The following SDK1 variants were observed in gnomAD, a reference collection of about 807,000 sequenced individuals.
The protein encoded by SDK1 is sidekick cell adhesion molecule 1.
In SDK1, 157 loss-of-function variants were observed where a neutral mutation model predicts 245.5. That is an observed-to-expected ratio of 0.64 (90% CI 0.56 to 0.73). The LOEUF (loss-of-function observed/expected upper bound fraction) is 0.73. Ranked by LOEUF, SDK1 falls within the 30% of genes least tolerant of loss-of-function variation. The probability of loss-of-function intolerance (pLI) is 0.00; values close to 1 mark genes in which losing one functional copy is unlikely to be tolerated. For synonymous variants in SDK1, 1,647 were observed against 1,278.5 expected (o/e 1.29, Z -6.15); for missense variants, 3,583 against 3,002.3 (o/e 1.19, Z -4.52).
chr7:4,210,369 G>T (rs1056124896), intron 38 of SDK1, among the ~76,000 whole-genome samples: 1 of 152,216 alleles, frequency 6.6e-6, no homozygotes, highest in African/African-American at 2.4e-5. Flanking sequence ...GTGAGGAAAA[G>T]CTGAGCCAAG....
intron 1 of SDK1, among the ~76,000 whole-genome samples, chr7:3,394,269 G>T: frequency 6.6e-6 from 1 of 152,074 alleles, no homozygotes; most frequent in Non-Finnish European, 1.5e-5. Context: ...ATATCCAATT[G>T]TTCTGGTTTT....
rs1265790315 is a variant in SDK1 at position 3,974,533 on chromosome 7, G to A, written c.1982G>A (p.Arg661Gln). 2.5e-6 allele frequency: 4 copies of A among 1,613,950 alleles called. No individual in the cohort carries two copies. Among genetic ancestry groups the A allele is most frequent in the African/African-American group, 1.3e-5 (1 of 74,878 alleles). Residue 661 changes from arginine (R) to glutamine (Q), a missense_variant, in exon 13 of 45, where the codon CGG becomes CAG. Transcript: ENST00000404826. The part of the protein sequence containing the change: ...SEGGNDSRMA[R>Q]LEVIELPHSP... ...GGAGGGAATGACTCCAGGATGGCCCGGCTGGAAGTGATGTGAGTACTGAGA... is the reference window on the plus strand; with the variant it reads ...GGAGGGAATGACTCCAGGATGGCCCAGCTGGAAGTGATGTGAGTACTGAGA...
At chr7:3,460,451 C>G (rs759211290) in intron 1 of SDK1, among the ~76,000 whole-genome samples, 194 of 152,210 alleles carry the variant, frequency 1.3e-3, no homozygotes, top group Non-Finnish European at 2.3e-3. Context: ...TTTGACAACT[C>G]AAAAGATTTT....
At chr7:4,074,409 C>T (rs904158676) in intron 20 of SDK1, among the ~76,000 whole-genome samples, 6 of 152,136 alleles carry the variant, frequency 3.9e-5, no homozygotes, top group Admixed American at 2.0e-4. Flanking sequence ...AGCAAGTCCA[C>T]GAAGCTTTCT....
chr7:3,812,271 C>T (rs968307013), intron 4 of SDK1, among the ~76,000 whole-genome samples: 1 of 152,192 alleles, frequency 6.6e-6, no homozygotes, highest in Admixed American at 6.5e-5. Context: ...AGATTCCCTT[C>T]TTTTTCTTCA....
rs563520806 is a variant in SDK1, at chr7:3,836,403, C to G, written c.847+14820C>G. On this transcript the variant is annotated intron_variant, in intron 5 of 44. Coordinates refer to ENST00000404826, the MANE Select transcript of SDK1 (RefSeq NM_152744.4). ...GCATTAGTCAGTTTGAGTTGCTGTA[C>G]AAGATACCCATTCATTAATTCATTG... is the stretch of plus-strand genomic sequence containing the variant. Among the ~76,000 whole-genome samples, 10 of 152,266 alleles carry G rather than the reference C, an allele frequency of 6.6e-5. No homozygotes were observed. In the South Asian group the frequency reaches 2.1e-3, roughly 32 times the overall value.
intron 4 of SDK1, among the ~76,000 whole-genome samples, chr7:3,743,925 C>G (rs1779544835): frequency 6.6e-6 from 1 of 152,128 alleles, no homozygotes. Context: ...AGCCACAGGA[C>G]CAATGCTGGA....
chr7:3,581,404 T>C (rs76537301), intron 1 of SDK1, among the ~76,000 whole-genome samples: 1 of 152,284 alleles, frequency 6.6e-6, no homozygotes, highest in African/African-American at 2.4e-5. Context: ...AAAAGCTCAA[T>C]ATCACTGATC....
At chr7:3,398,545 A>G (rs1778793587) in intron 1 of SDK1, among the ~76,000 whole-genome samples, 1 of 152,022 alleles carries the variant, frequency 6.6e-6, no homozygotes, top group Non-Finnish European at 1.5e-5. Flanking sequence ...ATTATATAGA[A>G]CAGAAGGCTC....
intron 5 of SDK1, among the ~76,000 whole-genome samples, chr7:3,834,688 C>G (rs1779991328): frequency 6.6e-6 from 1 of 152,152 alleles, no homozygotes; most frequent in African/African-American, 2.4e-5. Flanking sequence ...CCAAGAGAAT[C>G]CTTATTGATA....
intron 1 of SDK1, among the ~76,000 whole-genome samples, chr7:3,615,330 T>C (rs935455275): frequency 4.6e-5 from 7 of 151,644 alleles, no homozygotes; most frequent in Admixed American, 1.3e-4. Flanking sequence ...TGATTTTTGC[T>C]GAAGTACATA....
chr7:3,619,047 AGTTTT>A (rs562681422), intron 1 of SDK1, 28 bp from the exon 2 acceptor site: 6 of 1,496,244 alleles, frequency 4.0e-6, no homozygotes, highest in African/African-American at 1.4e-5. Flanking sequence ...TGCGTACTTC[AGTTTT>A]GTTTTGTTTT....
At chr7:3,920,810 G>A (rs1457043254) in intron 5 of SDK1, among the ~76,000 whole-genome samples, 1 of 152,152 alleles carries the variant, frequency 6.6e-6, no homozygotes, top group Non-Finnish European at 1.5e-5. Flanking sequence ...CATTGCATGG[G>A]ACATAAAGTG....
intron 4 of SDK1, among the ~76,000 whole-genome samples, chr7:3,715,021 C>T (rs67926418): frequency 0.2 from 30,267 of 152,060 alleles, 3,731 homozygotes; most frequent in Non-Finnish European, 0.26. Context: ...AATGAAGAAT[C>T]AAGTAGAGAG....
chr7:4,226,703 G>A (rs116784345), intron 40 of SDK1, among the ~76,000 whole-genome samples: 1,941 of 152,260 alleles, frequency 0.013, 37 homozygotes, highest in South Asian at 0.08. Context: ...CCTCCAAATT[G>A]GTGTTGCAAA....
chr7:3,801,650 C>G (rs1282681838), intron 4 of SDK1, among the ~76,000 whole-genome samples: 2 of 152,166 alleles, frequency 1.3e-5, no homozygotes, highest in Non-Finnish European at 2.9e-5. Flanking sequence ...GGACCCTGAG[C>G]AAGGCCTGGT....
intron 1 of SDK1, among the ~76,000 whole-genome samples, chr7:3,613,219 G>T (rs898397104): frequency 6.6e-6 from 1 of 152,144 alleles, no homozygotes; most frequent in South Asian, 2.1e-4. Context: ...AGGGAAGCCG[G>T]GGGACGCAGG....
chr7:3,811,535 G>T (rs560418467), intron 4 of SDK1, among the ~76,000 whole-genome samples: 10 of 152,286 alleles, frequency 6.6e-5, no homozygotes, highest in African/African-American at 2.4e-4. Flanking sequence ...CATCTTCTTT[G>T]GGCTTTAATT....
At chr7:3,434,953 G>A (rs546581900) in intron 1 of SDK1, among the ~76,000 whole-genome samples, 1 of 152,258 alleles carries the variant, frequency 6.6e-6, no homozygotes, top group South Asian at 2.1e-4. Context: ...GAGGAAAGAT[G>A]ATGAAGTAAA....
Sources: allele counts gnomAD v4.1 joint callset (sites outside exome capture counted in the v4.1 genomes callset), GRCh38; gene constraint gnomAD v4.1.1; transcripts MANE v1.5; gene names NCBI Gene and HGNC (gene_info 2026-07-23, HGNC 2026-07-21).